The following HTR2C variants were observed in gnomAD, a reference collection of about 807,000 sequenced individuals.
HTR2C encodes 5-hydroxytryptamine receptor 2C.
Under a neutral mutation model 21.0 loss-of-function variants are expected in HTR2C, and 5 were observed. The observed-to-expected ratio is 0.24, with a 90% CI of 0.12 to 0.50. The LOEUF (loss-of-function observed/expected upper bound fraction) is 0.50, where lower values mean the gene tolerates loss of function less well. Among genes scored for constraint, HTR2C ranks in the 20% least tolerant of loss-of-function variants. The pLI is 0.98. For missense variants in HTR2C, 271 were observed against 371.2 expected, an observed-to-expected ratio of 0.73 and a Z score of 2.22; for synonymous variants, 150 against 145.3, an observed-to-expected ratio of 1.03 and a Z score of -0.23.
At chrX:114,633,000 A>C (rs1312652814) in intron 2 of HTR2C, among the ~76,000 whole-genome samples, 1 of 110,910 alleles carries the variant, frequency 9.0e-6, no homozygotes, top group African/African-American at 3.3e-5. Flanking sequence ...ATAAACACAA[A>C]TATCCCACTG....
intron 1 of HTR2C, among the ~76,000 whole-genome samples, chrX:114,610,668 C>T (rs1928686683): frequency 1.8e-5 from 2 of 111,392 alleles, no homozygotes; most frequent in African/African-American, 3.3e-5. Flanking sequence ...TGTTTTCTAT[C>T]TAGAGTCACT....
At chrX:114,751,970 A>G (rs189757556) in intron 4 of HTR2C, among the ~76,000 whole-genome samples, 124 of 112,122 alleles carry the variant, frequency 1.1e-3, no homozygotes, top group African/African-American at 3.7e-3. Flanking sequence ...TAACAACTAT[A>G]AAACGGAACT....
intron 4 of HTR2C, among the ~76,000 whole-genome samples, chrX:114,838,691 C>T (rs1367125429): frequency 8.9e-6 from 1 of 112,024 alleles, no homozygotes; most frequent in Admixed American, 9.5e-5. Flanking sequence ...TCATTTCACT[C>T]AACTATGAAT....
At chrX:114,734,251 T>A (rs1177069749) in intron 4 of HTR2C, among the ~76,000 whole-genome samples, 3 of 110,987 alleles carry the variant, frequency 2.7e-5, no homozygotes, top group Non-Finnish European at 5.7e-5. Context: ...GTAAAATATG[T>A]TAGAGTGTGG....
chrX:114,700,847 C>T (rs1345286560), intron 2 of HTR2C, among the ~76,000 whole-genome samples: 1 of 112,505 alleles, frequency 8.9e-6, no homozygotes. Context: ...AATCGGGTCA[C>T]TCCCACCCCA....
At chrX:114,607,643 T>C (rs1481802279) in intron 1 of HTR2C, among the ~76,000 whole-genome samples, 1 of 111,459 alleles carries the variant, frequency 9.0e-6, no homozygotes, top group Non-Finnish European at 1.9e-5. Context: ...CACTATAAAA[T>C]GTTAATACAT....
intron 2 of HTR2C, among the ~76,000 whole-genome samples, chrX:114,654,843 G>A (rs1556409065): frequency 9.1e-6 from 1 of 110,393 alleles, no homozygotes; most frequent in African/African-American, 3.3e-5. Flanking sequence ...CTTCCTAGAG[G>A]AGGTGATGTC....
chrX:114,722,727 A>T (rs782472731), intron 2 of HTR2C, among the ~76,000 whole-genome samples: 1 of 106,150 alleles, frequency 9.4e-6, no homozygotes, highest in Non-Finnish European at 1.9e-5. Context: ...AGCATGAAGG[A>T]TTGTTGAATT....
At chrX:114,789,024 T>C (rs1381392880) in intron 4 of HTR2C, among the ~76,000 whole-genome samples, 1 of 112,162 alleles carries the variant, frequency 8.9e-6, no homozygotes, top group Non-Finnish European at 1.9e-5. Flanking sequence ...AAGTTTGGCA[T>C]GAAATGACTT....
intron 2 of HTR2C, among the ~76,000 whole-genome samples, chrX:114,616,867 A>G (rs1003797910): frequency 8.9e-6 from 1 of 112,291 alleles, no homozygotes; most frequent in Non-Finnish European, 1.9e-5. Context: ...GTAAAACCGC[A>G]TCAACATTTC....
rs1931601370 is a variant in HTR2C at position 114,677,503 on chromosome X, C to G, written c.-79-49355C>G. ...TGTTCAACCCTATAAAATGATGAAGCACTTACTAGAATTTTAACCACGGTA... is the reference window on the plus strand; with the variant it reads ...TGTTCAACCCTATAAAATGATGAAGGACTTACTAGAATTTTAACCACGGTA... On this transcript the variant is annotated intron_variant, in intron 2 of 5. Coordinates refer to ENST00000276198, the MANE Select transcript of HTR2C (RefSeq NM_000868.4). 2.7e-5 allele frequency among the ~76,000 whole-genome samples: 3 copies of G among 110,782 alleles called. No homozygotes were observed. The South Asian group carries it at 1.1e-3, about 42-fold the overall frequency.
chrX:114,698,342 C>T (rs1206899733), intron 2 of HTR2C, among the ~76,000 whole-genome samples: 4 of 109,757 alleles, frequency 3.6e-5, no homozygotes, highest in African/African-American at 6.6e-5. Flanking sequence ...GAAAAAGTTC[C>T]GTTATCATGG....
chrX:114,589,095 A>G (rs1254447165), intron 1 of HTR2C, among the ~76,000 whole-genome samples: 5 of 112,402 alleles, frequency 4.4e-5, no homozygotes, highest in African/African-American at 1.6e-4. Context: ...GCCTCTGTTT[A>G]GAAATTGGCT....
At chrX:114,755,946 C>T (rs1167575822) in intron 4 of HTR2C, among the ~76,000 whole-genome samples, 3 of 109,867 alleles carry the variant, frequency 2.7e-5, no homozygotes, top group Non-Finnish European at 5.7e-5. Flanking sequence ...CCTATGTCTA[C>T]AAAACTTAAA....
intron 2 of HTR2C, among the ~76,000 whole-genome samples, chrX:114,713,110 A>G (rs1482237085): frequency 2.7e-5 from 3 of 111,627 alleles, no homozygotes; most frequent in Non-Finnish European, 5.7e-5. Context: ...AACCTTTCAA[A>G]CATAAACAGT....
chrX:114,595,665 A>G (rs1569476082), intron 1 of HTR2C, among the ~76,000 whole-genome samples: 1 of 111,106 alleles, frequency 9.0e-6, no homozygotes. Flanking sequence ...TTGTATATAT[A>G]TATAGAGAGA....
chrX:114,637,604 C>T (rs1233646540), intron 2 of HTR2C, among the ~76,000 whole-genome samples: 3 of 111,295 alleles, frequency 2.7e-5, no homozygotes, highest in African/African-American at 6.5e-5. Context: ...GTATGTGTGT[C>T]GGTATGTGTT....
intron 4 of HTR2C, among the ~76,000 whole-genome samples, chrX:114,767,803 G>A (rs1347703941): frequency 2.8e-5 from 3 of 109,056 alleles, no homozygotes; most frequent in Admixed American, 9.9e-5. Flanking sequence ...TGTTTCTTGT[G>A]ATGGAAGAAA....
chrX:114,848,862 T>A (rs1467991874), intron 5 of HTR2C, among the ~76,000 whole-genome samples: 3 of 111,722 alleles, frequency 2.7e-5, no homozygotes, highest in African/African-American at 9.7e-5. Flanking sequence ...ATAAATGCCT[T>A]AACAGTGCTA....
Sources: allele counts gnomAD v4.1 joint callset (sites outside exome capture counted in the v4.1 genomes callset), GRCh38; gene constraint gnomAD v4.1.1; transcripts MANE v1.5; gene names NCBI Gene and HGNC (gene_info 2026-07-23, HGNC 2026-07-21).